The following DLAT variants were observed in gnomAD, a reference collection of about 807,000 sequenced individuals.
DLAT encodes dihydrolipoyllysine-residue acetyltransferase component of pyruvate dehydrogenase complex, mitochondrial.
Under a neutral mutation model 68.0 loss-of-function variants are expected in DLAT, and 43 were observed. That is an observed-to-expected ratio of 0.63 (90% CI 0.50 to 0.81). The LOEUF is 0.81. Among genes scored for constraint, DLAT ranks in the 40% least tolerant of loss-of-function variants. DLAT has a pLI of 0.00. For missense variants in DLAT, 745 were observed against 815.4 expected, an observed-to-expected ratio of 0.91 and a Z score of 1.05; for synonymous variants, 265 against 288.6, an observed-to-expected ratio of 0.92 and a Z score of 0.83.
chr11:112,061,368 C>G, intron 13 of DLAT, 194 bp downstream of exon 13: 3 of 607,730 alleles, frequency 4.9e-6, no homozygotes, highest in Non-Finnish European at 8.7e-6. Context: ...TTATTCTTGA[C>G]TTATAATAAT....
intron 13 of DLAT, among the ~76,000 whole-genome samples, chr11:112,061,899 A>G (rs1555183314): frequency 6.6e-6 from 1 of 152,176 alleles, no homozygotes. Context: ...TCAGTTTTAT[A>G]TATAGTTATT....
rs1555183013 is a variant in DLAT at position 112,059,994 on chromosome 11, A to T, written c.1606A>T (p.Thr536Ser). The stretch of plus-strand genomic sequence containing the variant: ...TAATGCACATATAAAAGGAGTGGAA[A>T]CCATTGCTAATGATGTTGTTTCTTT... ...VFNAHIKGVE[T>S]IANDVVSLAT... Residue 536 changes from threonine (T) to serine (S), a missense_variant, in exon 12 of 14, where the codon ACC (threonine) becomes TCC (serine). Transcript: ENST00000280346. The T allele has an allele frequency of 6.2e-7, 1 of 1,614,042 alleles. No homozygotes were observed. The highest frequency in any genetic ancestry group is 2.2e-5 in the East Asian group (1 of 44,872).
intron 5 of DLAT, among the ~76,000 whole-genome samples, chr11:112,035,582 G>A (rs1434512480): frequency 1.3e-5 from 2 of 151,358 alleles, no homozygotes; most frequent in East Asian, 3.9e-4. Context: ...TCTGCCTCCT[G>A]GGTTCAAGCG....
At position 112,025,504 on chromosome 11, in the gene DLAT, A is replaced by T; in HGVS notation, c.32A>T (p.Asn11Ile). Residue 11 changes from asparagine to isoleucine, a missense_variant, in exon 1 of 14, where the codon AAT becomes ATT. Asn to Ile is a moderately radical substitution (Grantham distance 149). Transcript: ENST00000280346. ...CGCGTCTGTGCGCGACGGGCTCAGA[A>T]TGTAGCCCCATGGGCGGGACTCGAG... MWRVCARRAQNVAPWAGLEAR... is the reference protein window; with the variant it reads MWRVCARRAQIVAPWAGLEAR... The T allele has an allele frequency of 1.2e-6, 2 of 1,613,696 alleles. No homozygotes were observed. Among genetic ancestry groups the T allele is most frequent in the East Asian group, 4.5e-5 (2 of 44,838 alleles).
At chr11:112,032,053 G>T (rs190315030) in intron 4 of DLAT, among the ~76,000 whole-genome samples, 3 of 151,278 alleles carry the variant, frequency 2.0e-5, no homozygotes, top group Admixed American at 6.6e-5. Context: ...GCTAATTTTG[G>T]TATTTTTAGC....
intron 8 of DLAT, among the ~76,000 whole-genome samples, chr11:112,044,512 CTTAT>C (rs1389872951): frequency 6.6e-6 from 1 of 152,134 alleles, no homozygotes; most frequent in African/African-American, 2.4e-5. Flanking sequence ...CTTGTTTATA[CTTAT>C]TTATTATTCC....
chr11:112,027,060 G>A (rs1246614296), intron 2 of DLAT, among the ~76,000 whole-genome samples: 1 of 151,274 alleles, frequency 6.6e-6, no homozygotes, highest in Non-Finnish European at 1.5e-5. Context: ...CCTCCCTCCC[G>A]GACGGGGTGG....
At position 112,062,552 on chromosome 11, in the gene DLAT, T is replaced by A; in HGVS notation, c.*17T>A. On this transcript the variant is annotated 3_prime_UTR_variant, in exon 14 of 14. Transcript: ENST00000280346. ...TTGTTGTAACTAACTCAAGAATTTCTAAACTCTCCCAGGTCACACTGATTC... is the reference window on the plus strand; with the variant it reads ...TTGTTGTAACTAACTCAAGAATTTCAAAACTCTCCCAGGTCACACTGATTC... 1 of 1,611,864 alleles carries A rather than the reference T, an allele frequency of 6.2e-7. No homozygotes were observed. The highest frequency in any genetic ancestry group is 8.5e-7 in the Non-Finnish European group (1 of 1,179,654).
intron 11 of DLAT, among the ~76,000 whole-genome samples, chr11:112,059,067 A>C (rs1184283717): frequency 6.6e-6 from 1 of 151,542 alleles, no homozygotes; most frequent in Admixed American, 6.6e-5. Context: ...AAAAAAAAAG[A>C]TTGGGACCCC....
Position 112,033,526 on chromosome 11 carries a change from T to G in DLAT, c.783T>G (p.Thr261=), listed in dbSNP as rs781860005. 7.4e-5 allele frequency: 119 copies of G among 1,613,638 alleles called. No individual in the cohort carries two copies. The South Asian group carries it at 1.3e-3, about 17-fold the overall frequency. Residue 261 remains threonine (T), a synonymous_variant, in exon 5 of 14, where the codon ACT becomes ACG. Transcript: ENST00000280346. Reference sequence around the variant, plus strand: ...CAGAGATAGAAACTGACAAAGCCACTATAGGTGAGATTTCTTCAGCTCTTA... The same window carrying G: ...CAGAGATAGAAACTGACAAAGCCACGATAGGTGAGATTTCTTCAGCTCTTA... ...LLAEIETDKA[T]IGFEVQEEGY...
chr11:112,042,703 G>T (rs1417290616), intron 7 of DLAT, among the ~76,000 whole-genome samples: 1 of 152,190 alleles, frequency 6.6e-6, no homozygotes, highest in Non-Finnish European at 1.5e-5. Flanking sequence ...CTGTAGGTGG[G>T]AGGAGGGAGG....
At chr11:112,035,513 G>C (rs1229387093) in intron 5 of DLAT, among the ~76,000 whole-genome samples, 1 of 148,620 alleles carries the variant, frequency 6.7e-6, no homozygotes, top group African/African-American at 2.5e-5. Context: ...TTTGGAAACA[G>C]AGTCTGGCTC....
Position 112,026,248 on chromosome 11 carries a change from T to C in DLAT, c.330T>C (p.Arg110=), listed in dbSNP as rs1416183582. 3.7e-6 allele frequency: 6 copies of C among 1,609,228 alleles called. No homozygotes were observed. Among genetic ancestry groups the C allele is most frequent in the African/African-American group, 1.3e-5 (1 of 74,504 alleles). The change falls in exon 2 of 14, where the codon CGT becomes CGC. Residue 110 remains arginine (R), a synonymous_variant. Transcript: ENST00000280346. ...CAATGCAGGCAGGCACCATAGCCCG[T>C]TGGGAAAAAAAAGAGGGGGACAAAA... is the stretch of plus-strand genomic sequence containing the variant. The part of the protein sequence containing the change: ...SPTMQAGTIA[R]WEKKEGDKIN...
At position 112,036,133 on chromosome 11, in the gene DLAT, A is replaced by ATG. The variant is rs1238946454; in HGVS notation, c.788-1132_788-1131dup. On this transcript the variant is annotated intron_variant, in intron 5 of 13. Coordinates refer to ENST00000280346, the MANE Select transcript of DLAT (RefSeq NM_001931.5). ...TATCTCCAGACTTAAACATATATATATGTGTGTGTATATATATATATGTGT... is the reference window on the plus strand; with the variant it reads ...TATCTCCAGACTTAAACATATATATATGTGTGTGTGTATATATATATATGTGT... Among the ~76,000 whole-genome samples, 16 of 136,786 alleles carry ATG rather than the reference A, an allele frequency of 1.2e-4. 1 individual carries two copies. Among genetic ancestry groups the ATG allele is most frequent in the South Asian group, 7.4e-4 (3 of 4,068 alleles). 89.7% of individuals were successfully genotyped at this position (136,786 alleles called of 152,430 possible).
Position 112,028,945 on chromosome 11 carries a change from G to C in DLAT, c.660G>C (p.Gln220His). 6.2e-7 allele frequency: 1 copy of C among 1,613,960 alleles called. No individual in the cohort carries two copies. Among genetic ancestry groups the C allele is most frequent in the Non-Finnish European group, 8.5e-7 (1 of 1,180,008 alleles). The change falls in exon 4 of 14, where the codon CAG (glutamine) becomes CAC (histidine). Residue 220 changes from glutamine to histidine, a missense_variant and splice_region_variant. Transcript: ENST00000280346. ...APGSSYPPHM[Q>H]VLLPALSPTM... ...GTAGCTCATATCCCCCTCACATGCA[G>C]GTGAGGCTCAGCCTCTGAGTTTTTG...
rs1417786950 is a variant in DLAT, at chr11:112,039,536, G to A, written c.1129+139G>A. 5.5e-6 allele frequency: 5 copies of A among 911,188 alleles called. No individual in the cohort carries two copies. In the Admixed American group the frequency reaches 6.3e-5, roughly 11 times the overall value. 56.4% of individuals were successfully genotyped at this position (911,188 alleles called of 1,614,324 possible). A position where few individuals can be genotyped will look rare whatever the true frequency, so the allele number is the denominator to read the frequency against. Reference sequence around the variant, plus strand: ...ACAATCATTAATAATTCCTTCAGAAGGGAGAAATAGTTCTTTTGTTGCCAC... The same window carrying A: ...ACAATCATTAATAATTCCTTCAGAAAGGAGAAATAGTTCTTTTGTTGCCAC... On this transcript the variant is annotated intron_variant, in intron 7 of 13. Transcript: ENST00000280346.
intron 2 of DLAT, among the ~76,000 whole-genome samples, chr11:112,027,683 C>A (rs1403395142): frequency 4.6e-5 from 7 of 151,404 alleles, no homozygotes; most frequent in Admixed American, 2.0e-4. Context: ...GGATCACTCG[C>A]GGTTAGGAGC....
chr11:112,062,589 G>T lies in DLAT; in HGVS notation c.*54G>T. 1.9e-6 allele frequency: 3 copies of T among 1,579,302 alleles called. No individual in the cohort carries two copies. The highest frequency in any genetic ancestry group is 2.3e-4 in the Middle Eastern group (1 of 4,410). On this transcript the variant is annotated 3_prime_UTR_variant, in exon 14 of 14. Coordinates refer to ENST00000280346, the MANE Select transcript of DLAT (RefSeq NM_001931.5). ...GGTCACACTGATTCATTCTTAACAAGATATTTATATGTTATTAAACAGGTG... is the reference window on the plus strand; with the variant it reads ...GGTCACACTGATTCATTCTTAACAATATATTTATATGTTATTAAACAGGTG...
At chr11:112,047,970 A>C (rs1331873605) in intron 10 of DLAT, among the ~76,000 whole-genome samples, 1 of 152,136 alleles carries the variant, frequency 6.6e-6, no homozygotes, top group Non-Finnish European at 1.5e-5. Context: ...TTCCATATGA[A>C]ATTTAAAGTA....
Sources: allele counts gnomAD v4.1 joint callset (sites outside exome capture counted in the v4.1 genomes callset), GRCh38; gene constraint gnomAD v4.1.1; transcripts MANE v1.5; gene names NCBI Gene and HGNC (gene_info 2026-07-23, HGNC 2026-07-21).